ABLIM1: variants seen among roughly 807,000 people sequenced by gnomAD.
ABLIM1 encodes the protein actin binding LIM protein 1.
Under a neutral mutation model 107.0 loss-of-function variants are expected in ABLIM1, and 40 were observed. The ratio of observed to expected loss-of-function variants is 0.37; its 90% CI spans 0.29 to 0.49. ABLIM1 has a LOEUF of 0.49. ABLIM1 is among the 20% of genes least tolerant of loss of function. The probability of loss-of-function intolerance (pLI) is 0.97; values close to 1 mark genes in which losing one functional copy is unlikely to be tolerated. For synonymous variants in ABLIM1, 357 were observed against 357.3 expected, an observed-to-expected ratio of 1.00 and a Z score of 0.01; for missense variants, 857 against 1,008.5, an observed-to-expected ratio of 0.85 and a Z score of 2.04.
At chr10:114,724,544 C>T (rs1304007139) in intron 1 of ABLIM1, among the ~76,000 whole-genome samples, 1 of 152,146 alleles carries the variant, frequency 6.6e-6, no homozygotes, top group Non-Finnish European at 1.5e-5. Context: ...CTTGCCCAAC[C>T]TGCTCTCTCC....
intron 1 of ABLIM1, among the ~76,000 whole-genome samples, chr10:114,617,256 C>CTTT (rs780987027): frequency 1.6e-3 from 187 of 120,430 alleles, no homozygotes; most frequent in Middle Eastern, 4.6e-3. Flanking sequence ...TCACTACCTA[C>CTTT]TTTTTTTTTT....
intron 2 of ABLIM1, among the ~76,000 whole-genome samples, chr10:114,581,018 C>T (rs2073308241): frequency 6.6e-6 from 1 of 151,950 alleles, no homozygotes; most frequent in Non-Finnish European, 1.5e-5. Context: ...CCCTTTTTTG[C>T]CACCACCAAA....
chr10:114,751,748 C>CA (rs34322728), intron 1 of ABLIM1, among the ~76,000 whole-genome samples: 116 of 118,286 alleles, frequency 9.8e-4, no homozygotes, highest in Non-Finnish European at 1.1e-3. Flanking sequence ...GACTCTGTCT[C>CA]AAAAAAAAAA....
rs74158018 is a variant in ABLIM1 at position 114,557,676 on chromosome 10, T to G, written c.674-9900A>C. On this transcript the variant is annotated intron_variant, in intron 4 of 22. Transcript: ENST00000533213. The stretch of plus-strand genomic sequence containing the variant: ...CAATAGCTCCATAGTGAGGTGTTTT[T>G]TTTTTTTTTTTTTTTTTGGATAAAT... Among the ~76,000 whole-genome samples, 68 of 71,464 alleles carry G rather than the reference T, an allele frequency of 9.5e-4. 1 individual carries two copies. The highest frequency in any genetic ancestry group is 2.9e-3 in the African/African-American group (18 of 6,142). The allele number at this position is 71,464 out of a possible 152,430, so 46.9% of individuals were successfully genotyped here. A position where few individuals can be genotyped will look rare whatever the true frequency, so the allele number is the denominator to read the frequency against.
At chr10:114,451,496 G>T in intron 14 of ABLIM1, 128 bp downstream of exon 14, 2 of 849,896 alleles carry the variant, frequency 2.4e-6, no homozygotes, top group Non-Finnish European at 4.1e-6. Flanking sequence ...GACCAGAAAG[G>T]CATAATATGC....
At chr10:114,767,974 C>T (rs2082944604) in intron 1 of ABLIM1, 1 of 402,844 alleles carries the variant, frequency 2.5e-6, no homozygotes, top group South Asian at 1.7e-5. Context: ...GGGCTGGGGC[C>T]GGCGCGGCTG....
intron 1 of ABLIM1, among the ~76,000 whole-genome samples, chr10:114,715,324 C>T (rs1007230794): frequency 1.3e-5 from 2 of 152,136 alleles, no homozygotes; most frequent in Non-Finnish European, 2.9e-5. Flanking sequence ...TTAATTTTTA[C>T]AAACACACCA....
At chr10:114,787,849 A>C in the ABLIM1 span, among the ~76,000 whole-genome samples, 5 of 148,356 alleles carry the variant, frequency 3.4e-5, no homozygotes, top group Non-Finnish European at 7.5e-5. Context: ...CTCATTGAGA[A>C]CGGGCCATGA....
chr10:114,624,502 T>A (rs1486379939), intron 1 of ABLIM1, among the ~76,000 whole-genome samples: 8 of 152,152 alleles, frequency 5.3e-5, no homozygotes, highest in Non-Finnish European at 7.4e-5. Context: ...TGGCCTGGCA[T>A]GGGAAAGGCA....
At chr10:114,758,930 G>A (rs543659807) in intron 1 of ABLIM1, among the ~76,000 whole-genome samples, 1 of 152,068 alleles carries the variant, frequency 6.6e-6, no homozygotes, top group Non-Finnish European at 1.5e-5. Flanking sequence ...ACACCATACA[G>A]AAGAAAGGAC....
In ABLIM1 at chr10:114,629,586, G is replaced by C. The variant is rs1396627806; in HGVS notation, c.245-27625C>G. On this transcript the variant is annotated intron_variant, in intron 1 of 22. Transcript: ENST00000533213. The surrounding 1 kb of genome is among the most constrained non-coding windows in gnomAD (Gnocchi z 4.0). Reference sequence around the variant, plus strand: ...CTGAAAGGCTCACCATCTTGTGACAGAGATAGCAGCTGTCAACACACTGGC... The same window carrying C: ...CTGAAAGGCTCACCATCTTGTGACACAGATAGCAGCTGTCAACACACTGGC... 6.6e-6 allele frequency among the ~76,000 whole-genome samples: 1 copy of C among 152,190 alleles called. No homozygotes were observed. Among genetic ancestry groups the C allele is most frequent in the Non-Finnish European group, 1.5e-5 (1 of 68,018 alleles).
chr10:114,437,087 T>G (rs2138959320), intron 22 of ABLIM1, among the ~76,000 whole-genome samples: 2 of 152,200 alleles, frequency 1.3e-5, no homozygotes, highest in East Asian at 3.9e-4. Flanking sequence ...AGAAAGAAAC[T>G]TGTCCAGTAT....
At chr10:114,737,183 G>A (rs1354796444) in intron 1 of ABLIM1, among the ~76,000 whole-genome samples, 1 of 152,106 alleles carries the variant, frequency 6.6e-6, no homozygotes. Flanking sequence ...AATTAGCTGG[G>A]TGTAATAGCA....
At chr10:114,542,033 A>G (rs1463039766) in intron 6 of ABLIM1, among the ~76,000 whole-genome samples, 2 of 152,126 alleles carry the variant, frequency 1.3e-5, no homozygotes, top group African/African-American at 2.4e-5. Flanking sequence ...GGCTGTCACA[A>G]ATGTGGGGAC....
chr10:114,504,331 T>TA (rs1324758077), intron 6 of ABLIM1, among the ~76,000 whole-genome samples: 1 of 152,188 alleles, frequency 6.6e-6, no homozygotes, highest in Non-Finnish European at 1.5e-5. Flanking sequence ...TCTCCAAAGT[T>TA]ACAGAGCTAG....
chr10:114,559,819 G>A (rs1275586328), intron 4 of ABLIM1, among the ~76,000 whole-genome samples: 1 of 152,308 alleles, frequency 6.6e-6, no homozygotes, highest in South Asian at 2.1e-4. Flanking sequence ...TAGAAAACCT[G>A]AAGTAAATTT....
intron 2 of ABLIM1, among the ~76,000 whole-genome samples, chr10:114,589,029 A>G (rs925071026): frequency 6.6e-6 from 1 of 152,154 alleles, no homozygotes; most frequent in African/African-American, 2.4e-5. Flanking sequence ...AAAAATTCCT[A>G]TCACCTAGTG....
chr10:114,715,348 G>C (rs192709687), intron 1 of ABLIM1, among the ~76,000 whole-genome samples: 2 of 152,088 alleles, frequency 1.3e-5, no homozygotes, highest in Non-Finnish European at 2.9e-5. Flanking sequence ...ATCAGTATCC[G>C]AGCCCCTTCC....
the ABLIM1 span, among the ~76,000 whole-genome samples, chr10:114,800,535 C>T: frequency 6.6e-6 from 1 of 152,092 alleles, no homozygotes; most frequent in Admixed American, 6.5e-5. Context: ...TTGGCAACAC[C>T]ACTCTTATTA....
Sources: gnomAD v4.1 joint callset for allele counts (sites outside exome capture counted in the v4.1 genomes callset) on GRCh38, gnomAD v4.1.1 for gene constraint, Gnocchi (gnomAD v3.1) non-coding constraint, MANE v1.5 for transcripts, NCBI Gene and HGNC (gene_info 2026-07-23, HGNC 2026-07-21) for gene names.